The following AGBL4 variants were observed in gnomAD, a reference collection of about 807,000 sequenced individuals.
AGBL4 encodes the protein cytosolic carboxypeptidase 6.
AGBL4 carries 58 observed loss-of-function variants against 66.4 expected under a neutral mutation model. That is an observed-to-expected ratio of 0.87 (90% CI 0.71 to 1.09). The LOEUF (loss-of-function observed/expected upper bound fraction) is 1.09, where lower values mean the gene tolerates loss of function less well. AGBL4 is among the 50% of genes least tolerant of loss of function. The probability of loss-of-function intolerance (pLI) is 0.00; values close to 1 mark genes in which losing one functional copy is unlikely to be tolerated. For missense variants in AGBL4, 579 were observed against 631.0 expected, an observed-to-expected ratio of 0.92 and a Z score of 0.88; for synonymous variants, 234 against 222.9, an observed-to-expected ratio of 1.05 and a Z score of -0.44.
At chr1:48,715,848 T>C (rs577644555) in intron 6 of AGBL4, among the ~76,000 whole-genome samples, 1 of 152,350 alleles carries the variant, frequency 6.6e-6, no homozygotes, top group South Asian at 2.1e-4. Flanking sequence ...GGTTATTAAA[T>C]TTAATCACTT....
chr1:48,613,838 G>A (rs907856625), intron 9 of AGBL4, among the ~76,000 whole-genome samples: 14 of 152,216 alleles, frequency 9.2e-5, no homozygotes, highest in Admixed American at 2.0e-4. Flanking sequence ...TATTCACAGC[G>A]AAAGCTAACC....
intron 5 of AGBL4, among the ~76,000 whole-genome samples, chr1:48,995,220 T>C (rs1660911307): frequency 6.6e-6 from 1 of 152,176 alleles, no homozygotes; most frequent in Non-Finnish European, 1.5e-5. Flanking sequence ...CAAATTTCAG[T>C]TTCAGTTTAT....
At chr1:48,926,788 A>G (rs1228433552) in intron 5 of AGBL4, among the ~76,000 whole-genome samples, 1 of 152,200 alleles carries the variant, frequency 6.6e-6, no homozygotes, top group East Asian at 1.9e-4. Flanking sequence ...TCTGTATTAT[A>G]GAAGTAGAAG....
At chr1:49,222,718 GATAA>G in intron 4 of AGBL4, among the ~76,000 whole-genome samples, 1 of 152,136 alleles carries the variant, frequency 6.6e-6, no homozygotes, top group Non-Finnish European at 1.5e-5. Context: ...GCTTCCTTAT[GATAA>G]ATCTTTATTT....
At chr1:49,229,279 GA>G (rs1220495892) in intron 4 of AGBL4, among the ~76,000 whole-genome samples, 1 of 152,122 alleles carries the variant, frequency 6.6e-6, no homozygotes, top group Non-Finnish European at 1.5e-5. Context: ...ACAGATATAT[GA>G]TTTATTCAAT....
chr1:49,381,512 T>C (rs889750232), intron 3 of AGBL4, among the ~76,000 whole-genome samples: 22 of 152,112 alleles, frequency 1.4e-4, no homozygotes, highest in Middle Eastern at 3.2e-3. Context: ...ACCCAAAGGA[T>C]TATAAATCAT....
At chr1:48,704,230 A>G (rs320042) in intron 6 of AGBL4, among the ~76,000 whole-genome samples, 139,984 of 152,288 alleles carry the variant, frequency 0.92, 65,448 homozygotes, top group Non-Finnish European at 1. Context: ...AAAATTGTAT[A>G]CCTCTATAGG....
At chr1:49,375,160 T>C (rs1644446325) in intron 3 of AGBL4, among the ~76,000 whole-genome samples, 1 of 152,110 alleles carries the variant, frequency 6.6e-6, no homozygotes, top group Non-Finnish European at 1.5e-5. Flanking sequence ...CTGCTTTTGC[T>C]TGGGGCCTGT....
intron 3 of AGBL4, among the ~76,000 whole-genome samples, chr1:49,533,323 T>C (rs1651292902): frequency 6.6e-6 from 1 of 152,220 alleles, no homozygotes; most frequent in South Asian, 2.1e-4. Context: ...TTGTGCTCCA[T>C]GACCTGGTCA....
chr1:49,053,572 A>T (rs1644258206), intron 4 of AGBL4, among the ~76,000 whole-genome samples: 1 of 152,142 alleles, frequency 6.6e-6, no homozygotes, highest in African/African-American at 2.4e-5. Flanking sequence ...GGAGAATTTG[A>T]AATATGCCTG....
At chr1:49,869,712 T>A (rs760055277) in intron 1 of AGBL4, among the ~76,000 whole-genome samples, 10 of 152,090 alleles carry the variant, frequency 6.6e-5, no homozygotes, top group Non-Finnish European at 1.3e-4. Context: ...TTTACCTACA[T>A]AACAAACCCG....
rs972904683 is a variant in AGBL4, at chr1:49,797,910, T to A, written c.157+53486A>T. Among the ~76,000 whole-genome samples, 4 of 152,058 alleles carry A rather than the reference T, an allele frequency of 2.6e-5. No individual in the cohort carries two copies. The South Asian group carries it at 6.2e-4, about 24-fold the overall frequency. ...TCCTGAATAGCTGGGACTACAGGCA[T>A]GTGCCACCACACCCGGCTAATTTTG... On this transcript the variant is annotated intron_variant, in intron 2 of 13. Coordinates refer to ENST00000371839, the MANE Select transcript of AGBL4 (RefSeq NM_032785.4).
intron 2 of AGBL4, among the ~76,000 whole-genome samples, chr1:49,701,836 C>G (rs1389327992): frequency 1.3e-5 from 2 of 151,800 alleles, no homozygotes; most frequent in African/African-American, 4.8e-5. Context: ...AATTAAATAA[C>G]CTAAATGAAA....
intron 3 of AGBL4, among the ~76,000 whole-genome samples, chr1:49,600,651 T>C (rs1644937635): frequency 6.6e-6 from 1 of 152,172 alleles, no homozygotes; most frequent in South Asian, 2.1e-4. Context: ...ATCCTGTCCT[T>C]ATGATGCTAG....
chr1:48,709,088 G>A (rs559403240), intron 6 of AGBL4, among the ~76,000 whole-genome samples: 31 of 152,314 alleles, frequency 2.0e-4, no homozygotes, highest in African/African-American at 7.5e-4. Context: ...ATCACTAAAA[G>A]GAAGGGCTCT....
At chr1:49,185,356 C>G (rs183641894) in intron 4 of AGBL4, among the ~76,000 whole-genome samples, 31 of 152,286 alleles carry the variant, frequency 2.0e-4, no homozygotes, top group Admixed American at 5.9e-4. Flanking sequence ...TGTGTAAATC[C>G]CCTGGCTGCT....
chr1:49,378,682 C>T (rs1644523848), intron 3 of AGBL4, among the ~76,000 whole-genome samples: 1 of 152,134 alleles, frequency 6.6e-6, no homozygotes, highest in Non-Finnish European at 1.5e-5. Flanking sequence ...ACAAGTCTGT[C>T]ACCTGCGAAA....
chr1:49,331,021 G>T (rs1188878666), intron 3 of AGBL4, among the ~76,000 whole-genome samples: 8 of 152,244 alleles, frequency 5.3e-5, no homozygotes, highest in Non-Finnish European at 5.9e-5. Context: ...TGTGACCCCA[G>T]GAAACTATGC....
In AGBL4 at chr1:48,750,563, A is replaced by G. The variant is rs531008902; in HGVS notation, c.635-87322T>C. ...CAAAGTAAAGCTCACCCTGCATCCCAACTGTCTGCTGTTGAGACTGTGACT... is the reference window on the plus strand; with the variant it reads ...CAAAGTAAAGCTCACCCTGCATCCCGACTGTCTGCTGTTGAGACTGTGACT... On this transcript the variant is annotated intron_variant, in intron 6 of 13. Transcript: ENST00000371839. Among the ~76,000 whole-genome samples the G allele has an allele frequency of 3.3e-5, 5 of 152,278 alleles. No individual in the cohort carries two copies. In the South Asian group the frequency reaches 8.3e-4, roughly 25 times the overall value.
Sources: allele counts gnomAD v4.1 joint callset (sites outside exome capture counted in the v4.1 genomes callset), GRCh38; gene constraint gnomAD v4.1.1; transcripts MANE v1.5; gene names NCBI Gene and HGNC (gene_info 2026-07-23, HGNC 2026-07-21).